The following PIEZO2 variants were observed in gnomAD, a reference collection of about 807,000 sequenced individuals.
The protein encoded by PIEZO2 is piezo type mechanosensitive ion channel component 2, also known as piezo-type mechanosensitive ion channel component 2.
In PIEZO2, 172 loss-of-function variants were observed where a neutral mutation model predicts 337.3. The ratio of observed to expected loss-of-function variants is 0.51; its 90% CI spans 0.45 to 0.58. PIEZO2 has a LOEUF of 0.58. Among genes scored for constraint, PIEZO2 ranks in the 20% least tolerant of loss-of-function variants. PIEZO2 has a pLI of 0.00. For synonymous variants in PIEZO2, 1,251 were observed against 1,228.5 expected (o/e 1.02, Z -0.38); for missense variants, 3,028 against 3,391.3 (o/e 0.89, Z 2.66).
rs543490982 is a variant in PIEZO2 at position 10,796,080 on chromosome 18, G to T, written c.1528-1078C>A. ...CTCATATTGGTAAAACATTATTGCT[G>T]CTGGCCGGGCTTGGTGACTCATGCC... On this transcript the variant is annotated intron_variant, in intron 12 of 55. Coordinates refer to ENST00000674853, the MANE Select transcript of PIEZO2 (RefSeq NM_001378183.1). Among the ~76,000 whole-genome samples the T allele has an allele frequency of 2.0e-3, 303 of 152,078 alleles. 1 individual carries two copies. The highest frequency in any genetic ancestry group is 3.4e-3 in the Middle Eastern group (1 of 294).
At chr18:10,745,621 C>T (rs1243876943) in intron 30 of PIEZO2, among the ~76,000 whole-genome samples, 1 of 152,150 alleles carries the variant, frequency 6.6e-6, no homozygotes, top group African/African-American at 2.4e-5. Flanking sequence ...ACGTGCTCTC[C>T]TAGTTTTCCT....
At chr18:10,955,081 G>C (rs1193837474) in intron 3 of PIEZO2, among the ~76,000 whole-genome samples, 1 of 152,152 alleles carries the variant, frequency 6.6e-6, no homozygotes, top group African/African-American at 2.4e-5. Flanking sequence ...AGGAGGCAAA[G>C]GAAAGCCGAG....
intron 36 of PIEZO2, among the ~76,000 whole-genome samples, chr18:10,721,720 C>T (rs139159371): frequency 1.2e-3 from 176 of 152,082 alleles, no homozygotes; most frequent in African/African-American, 4.1e-3. Flanking sequence ...AAAACACACC[C>T]GAGAAGAAAG....
chr18:10,733,128 G>A (rs139435927), intron 35 of PIEZO2, among the ~76,000 whole-genome samples: 165 of 152,208 alleles, frequency 1.1e-3, no homozygotes, highest in African/African-American at 3.8e-3. Context: ...TTGTAGAAAG[G>A]GTGGGTGCCA....
At position 10,830,981 on chromosome 18, in the gene PIEZO2, T is replaced by A. The variant is rs372787950; in HGVS notation, c.918-23707A>T. Among the ~76,000 whole-genome samples the A allele has an allele frequency of 6.6e-6, 1 of 152,228 alleles. No individual in the cohort carries two copies. Among genetic ancestry groups the A allele is most frequent in the African/African-American group, 2.4e-5 (1 of 41,544 alleles). On this transcript the variant is annotated intron_variant, in intron 7 of 55. Coordinates refer to ENST00000674853, the MANE Select transcript of PIEZO2 (RefSeq NM_001378183.1). The surrounding 1 kb of genome is among the most constrained non-coding windows in gnomAD (Gnocchi z 4.7). ...AAATGCGAATCAAAACTACAAATTA[T>A]CTCACCCCAGCTGAAGTGGCTTTTA...
At position 11,089,777 on chromosome 18, in the gene PIEZO2, A is replaced by C. The variant is rs576924023; in HGVS notation, c.65-23555T>G. ...GAGGAAAAGGAGACGCCACATCTGC[A>C]GTCTCTGAGGAGGTGAGTACAAGTC... is the stretch of plus-strand genomic sequence containing the variant. On this transcript the variant is annotated intron_variant, in intron 1 of 55. Coordinates refer to ENST00000674853, the MANE Select transcript of PIEZO2 (RefSeq NM_001378183.1). 1.1e-4 allele frequency among the ~76,000 whole-genome samples: 16 copies of C among 152,340 alleles called. No homozygotes were observed. The East Asian group carries it at 2.9e-3, about 28-fold the overall frequency.
chr18:10,860,055 C>T (rs1488598152), intron 5 of PIEZO2, among the ~76,000 whole-genome samples: 2 of 152,150 alleles, frequency 1.3e-5, no homozygotes, highest in Non-Finnish European at 2.9e-5. Context: ...ACGGAGAGTC[C>T]ACATTTCTGT....
chr18:10,718,180 A>G lies in PIEZO2; in HGVS notation c.5089+20T>C. The G allele has an allele frequency of 6.5e-7, 1 of 1,529,108 alleles. No homozygotes were observed. The highest frequency in any genetic ancestry group is 2.4e-5 in the East Asian group (1 of 40,872). 94.7% of individuals were successfully genotyped at this position (1,529,108 alleles called of 1,614,324 possible). On this transcript the variant is annotated intron_variant, in intron 37 of 55. Transcript: ENST00000674853. ...CATTTTCAAAGTTCCCACAGCTCAT[A>G]TTTGTCTTTATTTTGTTACCTGGTC...
At chr18:11,107,451 A>G (rs2039601998) in intron 1 of PIEZO2, among the ~76,000 whole-genome samples, 1 of 152,190 alleles carries the variant, frequency 6.6e-6, no homozygotes, top group African/African-American at 2.4e-5. Context: ...TTTCATGTAC[A>G]GAGTTTTTTT....
At chr18:10,706,806 T>C (rs2035606265) in intron 40 of PIEZO2, among the ~76,000 whole-genome samples, 1 of 152,186 alleles carries the variant, frequency 6.6e-6, no homozygotes, top group Admixed American at 6.5e-5. Flanking sequence ...ATTGGGAATC[T>C]GTCTTGGATG....
At chr18:10,816,250 A>G (rs1313579866) in intron 7 of PIEZO2, among the ~76,000 whole-genome samples, 1 of 152,132 alleles carries the variant, frequency 6.6e-6, no homozygotes, top group Non-Finnish European at 1.5e-5. Flanking sequence ...TTCTCATTTA[A>G]CCAAAGATCA....
intron 7 of PIEZO2, among the ~76,000 whole-genome samples, chr18:10,849,304 G>A (rs1215269076): frequency 1.3e-5 from 2 of 152,204 alleles, no homozygotes; most frequent in Admixed American, 6.5e-5. Flanking sequence ...GGGCCACTGC[G>A]CTTGGCCCCT....
intron 2 of PIEZO2, among the ~76,000 whole-genome samples, chr18:11,022,216 C>T (rs565396443): frequency 6.6e-6 from 1 of 152,306 alleles, no homozygotes; most frequent in Admixed American, 6.5e-5. Flanking sequence ...TCACAGCCCC[C>T]CTAACTGTGC....
chr18:11,088,708 C>A (rs79581209), intron 1 of PIEZO2, among the ~76,000 whole-genome samples: 11,176 of 152,194 alleles, frequency 0.073, 468 homozygotes, highest in Middle Eastern at 0.19. Context: ...GACTAGAGAA[C>A]CACAGGGTTA....
At chr18:10,889,329 AAGTAAG>A (rs2042693315) in intron 4 of PIEZO2, among the ~76,000 whole-genome samples, 1 of 152,362 alleles carries the variant, frequency 6.6e-6, no homozygotes, top group East Asian at 1.9e-4. Context: ...TATTTAGTAG[AAGTAAG>A]AGTGTTCTTG....
At chr18:11,122,585 A>G (rs1279616373) in intron 1 of PIEZO2, among the ~76,000 whole-genome samples, 1 of 152,190 alleles carries the variant, frequency 6.6e-6, no homozygotes, top group Non-Finnish European at 1.5e-5. Flanking sequence ...AAAAAACCGA[A>G]GTTCTGAAAT....
chr18:10,852,295 A>G (rs559870297), intron 7 of PIEZO2, among the ~76,000 whole-genome samples: 1 of 152,342 alleles, frequency 6.6e-6, no homozygotes, highest in Non-Finnish European at 1.5e-5. Context: ...CCAGGCTAAT[A>G]CAATCAACTG....
chr18:11,148,314 C>T lies in PIEZO2; in HGVS notation c.64+211G>A, dbSNP rs1297661291. ...AACAGTTTCCAGCACATGCCCGTCC[C>T]GAGCATCCTGTTAAGAGATACCCCG... is the stretch of plus-strand genomic sequence containing the variant. On this transcript the variant is annotated intron_variant, in intron 1 of 55. Coordinates refer to ENST00000674853, the MANE Select transcript of PIEZO2 (RefSeq NM_001378183.1). This position sits in a 1 kb window ranked among gnomAD's most constrained non-coding sequence, Gnocchi z 5.2. Among the ~76,000 whole-genome samples the T allele has an allele frequency of 1.3e-5, 2 of 152,006 alleles. No homozygotes were observed. The highest frequency in any genetic ancestry group is 4.8e-5 in the African/African-American group (2 of 41,384).
intron 3 of PIEZO2, among the ~76,000 whole-genome samples, chr18:10,932,085 T>C (rs1301792841): frequency 1.3e-5 from 2 of 152,218 alleles, no homozygotes. Context: ...AGGTTCTAAG[T>C]TGAACCTAAG....
Sources: allele counts gnomAD v4.1 joint callset (sites outside exome capture counted in the v4.1 genomes callset), GRCh38; gene constraint gnomAD v4.1.1; non-coding constraint Gnocchi (gnomAD v3.1); transcripts MANE v1.5; gene names NCBI Gene and HGNC (gene_info 2026-07-23, HGNC 2026-07-21).